OGFOD3: variants seen among roughly 807,000 people sequenced by gnomAD.
The protein encoded by OGFOD3 is 2-oxoglutarate and iron-dependent oxygenase domain-containing protein 3.
Under a neutral mutation model 39.8 loss-of-function variants are expected in OGFOD3, and 35 were observed. The observed-to-expected ratio is 0.88, with a 90% CI of 0.67 to 1.17. The LOEUF (loss-of-function observed/expected upper bound fraction) is 1.17, where lower values mean the gene tolerates loss of function less well. OGFOD3 is among the 50% of genes most tolerant of loss of function. The pLI, the probability that OGFOD3 is intolerant of heterozygous loss-of-function variation, is 0.00. For missense variants in OGFOD3, 438 were observed against 454.5 expected, an observed-to-expected ratio of 0.96 and a Z score of 0.33; for synonymous variants, 200 against 192.0, an observed-to-expected ratio of 1.04 and a Z score of -0.34.
intron 7 of OGFOD3, among the ~76,000 whole-genome samples, chr17:82,399,294 C>T (rs1428127868): frequency 6.6e-6 from 1 of 152,202 alleles, no homozygotes; most frequent in Admixed American, 6.5e-5. Context: ...AGCCGTGTTC[C>T]AGCAAAGGCT....
chr17:82,414,936 C>T (rs1194141697), intron 2 of OGFOD3, among the ~76,000 whole-genome samples: 1 of 152,150 alleles, frequency 6.6e-6, no homozygotes, highest in Non-Finnish European at 1.5e-5. Context: ...CGGCCAACCG[C>T]AGCGCTGCTC....
Position 82,391,503 on chromosome 17 carries a change from T to C in OGFOD3, c.*895A>G, listed in dbSNP as rs937892425. 7.9e-5 allele frequency: 12 copies of C among 152,392 alleles called. No homozygotes were observed. The highest frequency in any genetic ancestry group is 1.6e-4 in the Non-Finnish European group (11 of 68,184). 9.4% of individuals were successfully genotyped at this position (152,392 alleles called of 1,614,324 possible). On this transcript the variant is annotated 3_prime_UTR_variant, in exon 9 of 9. Transcript: ENST00000313056. The surrounding 1 kb of genome is among the most constrained non-coding windows in gnomAD (Gnocchi z 5.1). Reference sequence around the variant, plus strand: ...GATTAATTTGTTTTTGTGTTTTTAGTAGAGACAGGGTTTCGCCATGTTGGC... The same window carrying C: ...GATTAATTTGTTTTTGTGTTTTTAGCAGAGACAGGGTTTCGCCATGTTGGC...
chr17:82,410,365 T>C (rs2052923394), intron 3 of OGFOD3, among the ~76,000 whole-genome samples: 1 of 152,240 alleles, frequency 6.6e-6, no homozygotes, highest in Non-Finnish European at 1.5e-5. Flanking sequence ...GCTTATCGTC[T>C]CAACAAGTGG....
chr17:82,402,607 C>T (rs2052785076), intron 7 of OGFOD3, among the ~76,000 whole-genome samples: 1 of 151,778 alleles, frequency 6.6e-6, no homozygotes, highest in African/African-American at 2.4e-5. Flanking sequence ...ATTAGCCGAG[C>T]GTGGTGGCAT....
At chr17:82,394,404 C>T (rs769529649) in intron 8 of OGFOD3, 7 of 1,608,618 alleles carry the variant, frequency 4.4e-6, no homozygotes, top group East Asian at 2.2e-5. Flanking sequence ...CTTCCAGAAT[C>T]GCATGTGTCT....
In OGFOD3 at chr17:82,392,609, C is replaced by T; in HGVS notation, c.824-75G>A. ...ACAGCCTTCAGAGGGTCTGCGGTCACCTGAAAGAGCAACTATAACCAATCA... is the reference window on the plus strand; with the variant it reads ...ACAGCCTTCAGAGGGTCTGCGGTCATCTGAAAGAGCAACTATAACCAATCA... On this transcript the variant is annotated intron_variant, in intron 8 of 8. Coordinates refer to ENST00000313056, the MANE Select transcript of OGFOD3 (RefSeq NM_024648.3). The surrounding 1 kb of genome is among the most constrained non-coding windows in gnomAD (Gnocchi z 4.2). 1 of 1,494,986 alleles carries T rather than the reference C, an allele frequency of 6.7e-7. No homozygotes were observed. The highest frequency in any genetic ancestry group is 1.3e-5 in the South Asian group (1 of 77,526). 92.6% of individuals were successfully genotyped at this position (1,494,986 alleles called of 1,614,324 possible).
At chr17:82,399,558 C>A (rs1344674511) in intron 7 of OGFOD3, among the ~76,000 whole-genome samples, 1 of 152,212 alleles carries the variant, frequency 6.6e-6, no homozygotes, top group African/African-American at 2.4e-5. Flanking sequence ...GCAGCCACCG[C>A]ACCGTCCTCT....
intron 1 of OGFOD3, among the ~76,000 whole-genome samples, chr17:82,416,877 G>A (rs564903631): frequency 1.3e-5 from 2 of 151,926 alleles, no homozygotes; most frequent in African/African-American, 4.8e-5. Flanking sequence ...GTTTCACCAC[G>A]TTGGTCAGGC....
At position 82,403,356 on chromosome 17, in the gene OGFOD3, G is replaced by T. The variant is rs137943087; in HGVS notation, c.699+581C>A. ...ACATCTAAATGCTTACACCCACCGG[G>T]CATGGTGGCTCACACCTGTAATCCC... is the stretch of plus-strand genomic sequence containing the variant. On this transcript the variant is annotated intron_variant, in intron 7 of 8. Coordinates refer to ENST00000313056, the MANE Select transcript of OGFOD3 (RefSeq NM_024648.3). 8.6e-4 allele frequency among the ~76,000 whole-genome samples: 131 copies of T among 152,294 alleles called. No homozygotes were observed. In the Middle Eastern group the frequency reaches 0.014, roughly 16 times the overall value.
Position 82,406,464 on chromosome 17 carries a change from G to C in OGFOD3, c.442C>G (p.His148Asp). 6.2e-7 allele frequency: 1 copy of C among 1,614,164 alleles called. No individual in the cohort carries two copies. Among genetic ancestry groups the C allele is most frequent in the Non-Finnish European group, 8.5e-7 (1 of 1,180,028 alleles). Residue 148 changes from histidine to aspartate, a missense_variant, in exon 5 of 9, where the codon CAC (histidine) becomes GAC (aspartate). Physicochemically the swap from His to Asp is moderately conservative, Grantham distance 81. Coordinates refer to ENST00000313056, the MANE Select transcript of OGFOD3 (RefSeq NM_024648.3). The surrounding 1 kb of genome is among the most constrained non-coding windows in gnomAD (Gnocchi z 5.2). Reference protein sequence around the residue: ...SDGGASILDLHSGALSVGKHF... With the variant: ...SDGGASILDLDSGALSVGKHF... Reference sequence around the variant, plus strand: ...TTCCCGACAGACAGGGCCCCTGAGTGCAAGTCCAGAATGGATGCCTGGAAA... The same window carrying C: ...TTCCCGACAGACAGGGCCCCTGAGTCCAAGTCCAGAATGGATGCCTGGAAA...
intron 7 of OGFOD3, among the ~76,000 whole-genome samples, chr17:82,402,950 A>C (rs1462763341): frequency 6.6e-6 from 1 of 152,084 alleles, no homozygotes; most frequent in East Asian, 1.9e-4. Flanking sequence ...CTATAGTCTC[A>C]GTCCCAGGCT....
At chr17:82,418,296 C>T (rs1398480114) in intron 1 of OGFOD3, 116 bp downstream of exon 1, 1 of 52,750 alleles carries the variant, frequency 1.9e-5, no homozygotes, top group Non-Finnish European at 3.4e-5. Flanking sequence ...GCCCACCTGC[C>T]CCCCCCCACC....
At chr17:82,408,853 A>G (rs1480796947) in intron 4 of OGFOD3, among the ~76,000 whole-genome samples, 1 of 152,202 alleles carries the variant, frequency 6.6e-6, no homozygotes, top group African/African-American at 2.4e-5. Context: ...CTCCAGGTGA[A>G]CACATTATCC....
chr17:82,412,303 G>C (rs2052960870), intron 2 of OGFOD3, among the ~76,000 whole-genome samples: 1 of 148,678 alleles, frequency 6.7e-6, no homozygotes, highest in East Asian at 2.0e-4. Context: ...GGGTCGTTGG[G>C]ACAGGAGCAA....
At chr17:82,411,594 A>C in intron 2 of OGFOD3, 64 bp from the exon 3 acceptor site, 1 of 1,353,800 alleles carries the variant, frequency 7.4e-7, no homozygotes, top group Non-Finnish European at 1.1e-6. Flanking sequence ...CCTTCCAGGG[A>C]ATCAGGGCCA....
At chr17:82,410,288 G>A (rs1014928540) in intron 3 of OGFOD3, among the ~76,000 whole-genome samples, 1 of 152,242 alleles carries the variant, frequency 6.6e-6, no homozygotes, top group Non-Finnish European at 1.5e-5. Context: ...AGCATCCTCG[G>A]GGGCAGGCTC....
intron 4 of OGFOD3, among the ~76,000 whole-genome samples, chr17:82,407,789 A>G (rs1383661262): frequency 1.3e-5 from 2 of 152,172 alleles, no homozygotes; most frequent in African/African-American, 2.4e-5. Flanking sequence ...ACAGAAACCT[A>G]CTCACTCACA....
chr17:82,411,419 G>A, intron 3 of OGFOD3, 36 bp downstream of exon 3: 1 of 1,595,250 alleles, frequency 6.3e-7, no homozygotes, highest in South Asian at 1.1e-5. Context: ...GCGTGTGTTT[G>A]TTTGAATCCC....
chr17:82,401,758 C>T (rs936576620), intron 7 of OGFOD3, among the ~76,000 whole-genome samples: 26 of 137,744 alleles, frequency 1.9e-4, no homozygotes, highest in East Asian at 8.8e-4. Context: ...GAGCTGAGAT[C>T]GCGCCACAGC....
Sources: allele counts gnomAD v4.1 joint callset (sites outside exome capture counted in the v4.1 genomes callset), GRCh38; gene constraint gnomAD v4.1.1; non-coding constraint Gnocchi (gnomAD v3.1); transcripts MANE v1.5; gene names NCBI Gene and HGNC (gene_info 2026-07-23, HGNC 2026-07-21).